Variants in SLC12A4 observed in about 807,000 individuals in gnomAD.
SLC12A4 encodes electroneutral potassium-chloride cotransporter 1.
Under a neutral mutation model 119.2 loss-of-function variants are expected in SLC12A4, and 84 were observed. That is an observed-to-expected ratio of 0.70 (90% CI 0.59 to 0.85). The LOEUF is 0.85. Among genes scored for constraint, SLC12A4 ranks in the 40% least tolerant of loss-of-function variants. The probability of loss-of-function intolerance (pLI) is 0.00; values close to 1 mark genes in which losing one functional copy is unlikely to be tolerated. For missense variants in SLC12A4, 1,298 were observed against 1,476.3 expected, an observed-to-expected ratio of 0.88 and a Z score of 1.98; for synonymous variants, 599 against 604.6, an observed-to-expected ratio of 0.99 and a Z score of 0.14.
In SLC12A4 at chr16:67,949,768, C is replaced by T. The variant is rs1412088930; in HGVS notation, c.1748+32G>A. ...GTGCTGGGGTTCAGGAAGCCTTTCCCCATCCCCCTGCCCTGCCCGGCCCCA... is the reference window on the plus strand; with the variant it reads ...GTGCTGGGGTTCAGGAAGCCTTTCCTCATCCCCCTGCCCTGCCCGGCCCCA... On this transcript the variant is annotated intron_variant, in intron 13 of 23. Coordinates refer to ENST00000316341, the MANE Select transcript of SLC12A4 (RefSeq NM_005072.5). This position sits in a 1 kb window ranked among gnomAD's most constrained non-coding sequence, Gnocchi z 4.6. The T allele has an allele frequency of 6.8e-7, 1 of 1,478,338 alleles. No individual in the cohort carries two copies. The highest frequency in any genetic ancestry group is 1.9e-5 in the Admixed American group (1 of 52,422). The allele number at this position is 1,478,338 out of a possible 1,614,324, so 91.6% of individuals were successfully genotyped here.
intron 3 of SLC12A4, among the ~76,000 whole-genome samples, chr16:67,960,320 G>A (rs2030493792): frequency 6.6e-6 from 1 of 152,230 alleles, no homozygotes; most frequent in African/African-American, 2.4e-5. Context: ...CCCCTGCAGT[G>A]CTGGACAGAC....
chr16:67,966,663 T>C, intron 1 of SLC12A4: 2 of 1,500,542 alleles, frequency 1.3e-6, no homozygotes, highest in Non-Finnish European at 1.8e-6. Flanking sequence ...GGCACTGAAC[T>C]GGGGAAGGGG....
intron 2 of SLC12A4, 101 bp downstream of exon 2, chr16:67,963,364 G>A: frequency 1.5e-6 from 1 of 679,552 alleles, no homozygotes. Context: ...AAGAGGAGAT[G>A]AGAGGAAGAG....
rs1447776611 is a variant in SLC12A4, at chr16:67,949,335, C to T, written c.1748+465G>A. 6.6e-6 allele frequency among the ~76,000 whole-genome samples: 1 copy of T among 152,008 alleles called. No homozygotes were observed. The highest frequency in any genetic ancestry group is 1.5e-5 in the Non-Finnish European group (1 of 68,006). On this transcript the variant is annotated intron_variant, in intron 13 of 23. Coordinates refer to ENST00000316341, the MANE Select transcript of SLC12A4 (RefSeq NM_005072.5). This position sits in a 1 kb window ranked among gnomAD's most constrained non-coding sequence, Gnocchi z 4.6. Reference sequence around the variant, plus strand: ...GCGTGGTGGTGCATTTCTGTAATCCCAGCTACTCAGGAGGCTGAGGCAGGA... The same window carrying T: ...GCGTGGTGGTGCATTTCTGTAATCCTAGCTACTCAGGAGGCTGAGGCAGGA...
rs2058326232 is a variant in SLC12A4, at chr16:67,945,118, G to A, written c.3135C>T (p.Gly1045=). The A allele has an allele frequency of 1.3e-6, 2 of 1,595,772 alleles. No individual in the cohort carries two copies. The highest frequency in any genetic ancestry group is 2.2e-5 in the East Asian group (1 of 44,630). Reference sequence around the variant, plus strand: ...CGTCGCCCTCACTGTTCCTGGGTGGGCCAGGCATGTTTAGGAGAACCAGGC... The same window carrying A: ...CGTCGCCCTCACTGTTCCTGGGTGGACCAGGCATGTTTAGGAGAACCAGGC... ...DARLVLLNMP[G]PPRNSEGDEN... is the part of the protein sequence containing the mutation. The change falls in exon 23 of 24, where the codon GGC becomes GGT. Residue 1045 remains glycine, a synonymous_variant. Coordinates refer to ENST00000316341, the MANE Select transcript of SLC12A4 (RefSeq NM_005072.5).
intron 3 of SLC12A4, among the ~76,000 whole-genome samples, chr16:67,958,807 C>T (rs775424553): frequency 1.4e-4 from 22 of 152,184 alleles, no homozygotes; most frequent in African/African-American, 4.1e-4. Flanking sequence ...CCCTGCCTCA[C>T]GGCCTGGCAA....
chr16:67,950,464 A>C lies in SLC12A4; in HGVS notation c.1484T>G (p.Val495Gly). 3.7e-6 allele frequency: 6 copies of C among 1,614,000 alleles called. No individual in the cohort carries two copies. Among genetic ancestry groups the C allele is most frequent in the Non-Finnish European group, 5.1e-6 (6 of 1,180,020 alleles). The change falls in exon 12 of 24, where the codon GTG becomes GGG. Residue 495 changes from valine to glycine, a missense_variant. By Grantham distance (109) the Val-to-Gly change is moderately radical. Transcript: ENST00000316341. This position sits in a 1 kb window ranked among gnomAD's most constrained non-coding sequence, Gnocchi z 4.3. ...KYGDGVSRNL[V>G]VGTLAWPSPW... is the part of the protein sequence containing the mutation. ...TGAAGGCCAGGCCAGTGTGCCCACC[A>C]CCAAGTTCCTGCTGACACCATCGCC... is the stretch of plus-strand genomic sequence containing the variant.
intron 2 of SLC12A4, 61 bp from the exon 3 acceptor site, chr16:67,961,767 C>A: frequency 1.2e-6 from 2 of 1,600,342 alleles, no homozygotes; most frequent in Non-Finnish European, 1.7e-6. Flanking sequence ...CTGTGTGGAG[C>A]CAGCTGCCTG....
chr16:67,966,441 G>A (rs940926897), intron 1 of SLC12A4, among the ~76,000 whole-genome samples: 1 of 152,258 alleles, frequency 6.6e-6, no homozygotes, highest in African/African-American at 2.4e-5. Flanking sequence ...ATATGGCCTA[G>A]GCCTAGGGAC....
At position 67,950,863 on chromosome 16, in the gene SLC12A4, A is replaced by G. The variant is rs1353083900; in HGVS notation, c.1396+99T>C. On this transcript the variant is annotated intron_variant, in intron 10 of 23. Transcript: ENST00000316341. The surrounding 1 kb of genome is among the most constrained non-coding windows in gnomAD (Gnocchi z 4.3). ...GTGTGCATGAGAAGGGGAGCTATAT[A>G]TGAGTGTGTGGGGTGTCTGTGCATG... is the stretch of plus-strand genomic sequence containing the variant. The G allele has an allele frequency of 7.0e-7, 1 of 1,432,212 alleles. No homozygotes were observed. The highest frequency in any genetic ancestry group is 1.4e-5 in the African/African-American group (1 of 71,152). 88.7% of individuals were successfully genotyped at this position (1,432,212 alleles called of 1,614,324 possible).
rs775781016 is a variant in SLC12A4, at chr16:67,945,306, C to T, written c.3032+63G>A. The T allele has an allele frequency of 3.2e-6, 5 of 1,571,484 alleles. No individual in the cohort carries two copies. The African/African-American group carries it at 5.4e-5, about 17-fold the overall frequency. ...CCCTGGCCCATCTAACACTACTTGT[C>T]TGCCCCACCCCACCTCCACCCCTAG... On this transcript the variant is annotated intron_variant, in intron 22 of 23. Coordinates refer to ENST00000316341, the MANE Select transcript of SLC12A4 (RefSeq NM_005072.5).
At chr16:67,945,269 G>C in intron 22 of SLC12A4, 49 bp from the exon 23 acceptor site, 1 of 1,555,844 alleles carries the variant, frequency 6.4e-7, no homozygotes, top group Middle Eastern at 1.7e-4. Context: ...ATCCTGCAAG[G>C]AGGGTCCCCA....
chr16:67,954,214 C>T, intron 6 of SLC12A4: 1 of 352,202 alleles, frequency 2.8e-6, no homozygotes, highest in South Asian at 2.1e-5. Flanking sequence ...TCTGTGGCTG[C>T]TTACCCTGAT....
chr16:67,957,599 G>A (rs1045252568), intron 5 of SLC12A4, 143 bp downstream of exon 5: 45 of 843,104 alleles, frequency 5.3e-5, no homozygotes, highest in Admixed American at 9.9e-5. Flanking sequence ...AAGCTCCTAC[G>A]TGGGCACTGT....
chr16:67,950,201 G>A lies in SLC12A4; in HGVS notation c.1629+118C>T, dbSNP rs143244172. 10,483 of 1,249,282 alleles carry A rather than the reference G, an allele frequency of 8.4e-3. 51 individuals carry two copies. The highest frequency in any genetic ancestry group is 0.01 in the Non-Finnish European group (9,489 of 907,064). 77.4% of individuals were successfully genotyped at this position (1,249,282 alleles called of 1,614,324 possible). ...TCTCAGTAGCTCCTCATGGATGGCC[G>A]CCTGGCCCCGGGGGCCAATAAGGGC... On this transcript the variant is annotated intron_variant, in intron 12 of 23. Transcript: ENST00000316341. This position sits in a 1 kb window ranked among gnomAD's most constrained non-coding sequence, Gnocchi z 4.3.
intron 1 of SLC12A4, chr16:67,966,873 G>T: frequency 2.6e-6 from 4 of 1,523,304 alleles, no homozygotes; most frequent in Non-Finnish European, 3.5e-6. Flanking sequence ...GGATCTAGCA[G>T]GACTCAGCCA....
At position 67,950,420 on chromosome 16, in the gene SLC12A4, C is replaced by T. The variant is rs1366460330; in HGVS notation, c.1528G>A (p.Gly510Ser). The change falls in exon 12 of 24, where the codon GGC becomes AGC. Residue 510 changes from glycine (G) to serine (S), a missense_variant. Physicochemically the swap from Gly to Ser is moderately conservative, Grantham distance 56. Coordinates refer to ENST00000316341, the MANE Select transcript of SLC12A4 (RefSeq NM_005072.5). The surrounding 1 kb of genome is among the most constrained non-coding windows in gnomAD (Gnocchi z 4.3). The part of the protein sequence containing the change: ...AWPSPWVIVI[G>S]SFFSTCGAGL... The stretch of plus-strand genomic sequence containing the variant: ...GCGCCACACGTTGAAAAGAAGGAGC[C>T]GATGACGATGACCCAGGGTGAAGGC... The T allele has an allele frequency of 1.9e-6, 3 of 1,614,020 alleles. No homozygotes were observed. The highest frequency in any genetic ancestry group is 1.7e-6 in the Non-Finnish European group (2 of 1,180,032).
chr16:67,958,163 A>G (rs2030381701), intron 3 of SLC12A4, 119 bp from the exon 4 acceptor site: 6 of 967,348 alleles, frequency 6.2e-6, no homozygotes, highest in Non-Finnish European at 9.2e-6. Flanking sequence ...CACAGAGAGT[A>G]GGGGTGACAG....
At chr16:67,963,056 C>T (rs1043924513) in intron 2 of SLC12A4, 1 of 153,780 alleles carries the variant, frequency 6.5e-6, no homozygotes, top group African/African-American at 2.4e-5. Context: ...TGGACCAGGA[C>T]TCAGGGAACT....
Sources: allele counts gnomAD v4.1 joint callset (sites outside exome capture counted in the v4.1 genomes callset), GRCh38; gene constraint gnomAD v4.1.1; non-coding constraint Gnocchi (gnomAD v3.1); transcripts MANE v1.5; gene names NCBI Gene and HGNC (gene_info 2026-07-23, HGNC 2026-07-21).